The following SDR9C7 variants were observed in gnomAD, a reference collection of about 807,000 sequenced individuals.
SDR9C7 encodes short-chain dehydrogenase/reductase family 9C member 7.
Under a neutral mutation model 23.6 loss-of-function variants are expected in SDR9C7, and 11 were observed. The ratio of observed to expected loss-of-function variants is 0.47; its 90% CI spans 0.29 to 0.77. SDR9C7 has a LOEUF of 0.77. Among genes scored for constraint, SDR9C7 ranks in the 30% least tolerant of loss-of-function variants. The probability of loss-of-function intolerance (pLI) is 0.09; values close to 1 mark genes in which losing one functional copy is unlikely to be tolerated. For synonymous variants in SDR9C7, 167 were observed against 157.3 expected (o/e 1.06, Z -0.46); for missense variants, 387 against 407.1 (o/e 0.95, Z 0.42).
At chr12:56,933,609 C>T (rs377653627) in intron 1 of SDR9C7, among the ~76,000 whole-genome samples, 14 of 152,240 alleles carry the variant, frequency 9.2e-5, no homozygotes, top group East Asian at 1.9e-4. Flanking sequence ...CCTCCCACTT[C>T]GGCCTTCCAA....
In SDR9C7 at chr12:56,930,307, C is replaced by G; in HGVS notation, c.479G>C (p.Ser160Thr). Residue 160 changes from serine (S) to threonine (T), a missense_variant, in exon 2 of 4, where the codon AGC (serine) becomes ACC (threonine). By Grantham distance (58) the Ser-to-Thr change is moderately conservative. Transcript: ENST00000293502. ...AATGACAGCCACACGACCACCAGAG[C>G]TGGACATGTTGACAACCCTGCCCCG... is the stretch of plus-strand genomic sequence containing the variant. ...RARGRVVNMS[S>T]SGGRVAVIGG... 1 of 1,614,212 alleles carries G rather than the reference C, an allele frequency of 6.2e-7. No homozygotes were observed. The highest frequency in any genetic ancestry group is 1.1e-5 in the South Asian group (1 of 91,072).
At chr12:56,930,863 T>C (rs1434938597) in intron 1 of SDR9C7, among the ~76,000 whole-genome samples, 1 of 152,244 alleles carries the variant, frequency 6.6e-6, no homozygotes, top group Non-Finnish European at 1.5e-5. Context: ...GCATTTCACA[T>C]ACTACCAAAA....
chr12:56,925,427 T>C (rs1955727165), intron 3 of SDR9C7, among the ~76,000 whole-genome samples: 1 of 151,914 alleles, frequency 6.6e-6, no homozygotes, highest in East Asian at 1.9e-4. Context: ...AACTTGAAAA[T>C]GGAGAGGAAG....
chr12:56,929,202 C>T (rs912654966), intron 3 of SDR9C7, among the ~76,000 whole-genome samples, 188 bp downstream of exon 3: 3 of 152,148 alleles, frequency 2.0e-5, no homozygotes, highest in African/African-American at 4.8e-5. Flanking sequence ...CTTAACTCCC[C>T]GGGCTGCTCC....
At chr12:56,929,683 G>A in intron 2 of SDR9C7, 130 bp from the exon 3 acceptor site, 1 of 1,102,850 alleles carries the variant, frequency 9.1e-7, no homozygotes, top group Non-Finnish European at 1.3e-6. Flanking sequence ...CCCTGGCATT[G>A]CCTTTGTGCA....
intron 1 of SDR9C7, 117 bp downstream of exon 1, chr12:56,933,844 A>G (rs1238938065): frequency 8.0e-7 from 1 of 1,255,004 alleles, no homozygotes; most frequent in African/African-American, 1.5e-5. Flanking sequence ...GCCTTTCCCT[A>G]CATCACCCCT....
At chr12:56,929,672 G>T in intron 2 of SDR9C7, 119 bp from the exon 3 acceptor site, 2 of 1,214,546 alleles carry the variant, frequency 1.6e-6, no homozygotes, top group Non-Finnish European at 2.3e-6. Context: ...CCTGTACTTG[G>T]CCCTGGCATT....
intron 1 of SDR9C7, among the ~76,000 whole-genome samples, chr12:56,933,631 C>T (rs530325727): frequency 7.2e-5 from 11 of 152,362 alleles, no homozygotes; most frequent in Middle Eastern, 6.8e-3. Flanking sequence ...GTGCTGGGCT[C>T]ATAGGCGTGA....
At chr12:56,931,128 G>A (rs1159307091) in intron 1 of SDR9C7, among the ~76,000 whole-genome samples, 1 of 152,094 alleles carries the variant, frequency 6.6e-6, no homozygotes, top group Non-Finnish European at 1.5e-5. Context: ...CTAGCTACTT[G>A]GGAGGCTGAG....
rs144834148 is a variant in SDR9C7, at chr12:56,931,717, C to T, written c.302-1233G>A. Among the ~76,000 whole-genome samples, 57 of 152,132 alleles carry T rather than the reference C, an allele frequency of 3.7e-4. 1 individual carries two copies. Among genetic ancestry groups the T allele is most frequent in the African/African-American group, 1.3e-3 (55 of 41,480 alleles). On this transcript the variant is annotated intron_variant, in intron 1 of 3. Transcript: ENST00000293502. ...TACATATTGGGGTTCTACTGTAAAC[C>T]CCTCTAAACACTCCTCAAGGACCCC...
At chr12:56,925,290 C>T (rs897029146) in intron 3 of SDR9C7, among the ~76,000 whole-genome samples, 2 of 152,138 alleles carry the variant, frequency 1.3e-5, no homozygotes, top group Non-Finnish European at 2.9e-5. Context: ...AAGGGCCACA[C>T]CACACACCCA....
chr12:56,933,231 C>T (rs1416050070), intron 1 of SDR9C7, among the ~76,000 whole-genome samples: 1 of 152,252 alleles, frequency 6.6e-6, no homozygotes, highest in Non-Finnish European at 1.5e-5. Flanking sequence ...AAACTGCACC[C>T]ACTCATGGGA....
chr12:56,930,494 A>G lies in SDR9C7; in HGVS notation c.302-10T>C, dbSNP rs1402030234. ...ACCAGGGCCCAGAGGCCTGGGGGTG[A>G]GATGAACCACACAGAAATCATCAGT... On this transcript the variant is annotated splice_polypyrimidine_tract_variant and intron_variant, in intron 1 of 3. Coordinates refer to ENST00000293502, the MANE Select transcript of SDR9C7 (RefSeq NM_148897.3). 1 of 1,613,362 alleles carries G rather than the reference A, an allele frequency of 6.2e-7. No homozygotes were observed.
Position 56,930,465 on chromosome 12 carries a change from G to A in SDR9C7, c.321C>T (p.Asn107=). Residue 107 remains asparagine, a synonymous_variant, in exon 2 of 4, where the codon AAC becomes AAT. Coordinates refer to ENST00000293502, the MANE Select transcript of SDR9C7 (RefSeq NM_148897.3). ...VGEQGLWALV[N]NAGVGLPSGP... is the part of the protein sequence containing the mutation. ...CACTGGGCAGGCCCACACCAGCATTGTTCACCAGGGCCCAGAGGCCTGGGG... is the reference window on the plus strand; with the variant it reads ...CACTGGGCAGGCCCACACCAGCATTATTCACCAGGGCCCAGAGGCCTGGGG... The A allele has an allele frequency of 6.2e-7, 1 of 1,614,084 alleles. No homozygotes were observed. Among genetic ancestry groups the A allele is most frequent in the Non-Finnish European group, 8.5e-7 (1 of 1,179,980 alleles).
intron 3 of SDR9C7, among the ~76,000 whole-genome samples, chr12:56,927,725 T>C (rs1955743526): frequency 6.6e-6 from 1 of 151,956 alleles, no homozygotes; most frequent in South Asian, 2.1e-4. Flanking sequence ...TAGGTGGAGG[T>C]GAAGAGAGGC....
rs117527875 is a variant in SDR9C7 at position 56,927,458 on chromosome 12, C to G, written c.724+1932G>C. ...ATGCTAACATCTTCTCTCCTTGTTC[C>G]CAACAGCTGCAGATTTCCCTCTGGG... On this transcript the variant is annotated intron_variant, in intron 3 of 3. Coordinates refer to ENST00000293502, the MANE Select transcript of SDR9C7 (RefSeq NM_148897.3). Among the ~76,000 whole-genome samples, 29 of 152,306 alleles carry G rather than the reference C, an allele frequency of 1.9e-4. No individual in the cohort carries two copies. In the East Asian group the frequency reaches 5.6e-3, roughly 29 times the overall value.
chr12:56,925,608 G>A (rs1955728436), intron 3 of SDR9C7, among the ~76,000 whole-genome samples: 2 of 152,024 alleles, frequency 1.3e-5, no homozygotes, highest in African/African-American at 2.4e-5. Flanking sequence ...ACTGATGCAG[G>A]GGAAAAGCCA....
chr12:56,930,104 T>C, intron 2 of SDR9C7, 122 bp downstream of exon 2: 1 of 1,203,286 alleles, frequency 8.3e-7, no homozygotes. Context: ...GGTCTAACCT[T>C]CCTTCTGCTA....
chr12:56,930,384 C>G lies in SDR9C7; in HGVS notation c.402G>C (p.Leu134=). Residue 134 remains leucine, a synonymous_variant, in exon 2 of 4, where the codon CTG becomes CTC. Transcript: ENST00000293502. ...DDFVKVINVN[L]VGLIEVTLHM... is the part of the protein sequence containing the mutation. ...GAAGGGTCACTTCGATCAGTCCCAC[C>G]AGGTTCACATTAATCACCTTCACAA... is the stretch of plus-strand genomic sequence containing the variant. 1.9e-6 allele frequency: 3 copies of G among 1,614,188 alleles called. No homozygotes were observed. Among genetic ancestry groups the G allele is most frequent in the Non-Finnish European group, 2.5e-6 (3 of 1,180,038 alleles).
Sources: allele counts gnomAD v4.1 joint callset (sites outside exome capture counted in the v4.1 genomes callset), GRCh38; gene constraint gnomAD v4.1.1; transcripts MANE v1.5; gene names NCBI Gene and HGNC (gene_info 2026-07-23, HGNC 2026-07-21).